Variants in FGF12 observed in about 807,000 individuals in gnomAD.
The protein encoded by FGF12 is fibroblast growth factor 12B.
Under a neutral mutation model 23.6 loss-of-function variants are expected in FGF12, and 14 were observed. The ratio of observed to expected loss-of-function variants is 0.59; its 90% confidence interval spans 0.39 to 0.93. FGF12 has a LOEUF of 0.93. Among genes scored for constraint, FGF12 ranks in the 40% least tolerant of loss-of-function variants. The pLI is 0.00. For synonymous variants in FGF12, 62 were observed against 77.3 expected (o/e 0.80, Z 1.04); for missense variants, 175 against 217.8 (o/e 0.80, Z 1.24).
intron 2 of FGF12, among the ~76,000 whole-genome samples, chr3:192,719,666 C>CT (rs1242153403): frequency 2.0e-5 from 3 of 151,022 alleles, no homozygotes; most frequent in Non-Finnish European, 2.9e-5. Context: ...TGTAAATAGT[C>CT]TAATTTTAAA....
intron 4 of FGF12, among the ~76,000 whole-genome samples, chr3:192,278,449 T>C (rs1204199586): frequency 6.6e-6 from 1 of 152,180 alleles, no homozygotes; most frequent in Non-Finnish European, 1.5e-5. Flanking sequence ...CGTCAAAATA[T>C]AGTCCCACCT....
At chr3:192,630,163 G>A (rs993130907) in intron 2 of FGF12, among the ~76,000 whole-genome samples, 4 of 152,070 alleles carry the variant, frequency 2.6e-5, no homozygotes, top group African/African-American at 9.7e-5. Flanking sequence ...TCCTGCTCTG[G>A]CCATGTGATG....
intron 2 of FGF12, among the ~76,000 whole-genome samples, chr3:192,470,209 G>A (rs1723130843): frequency 6.6e-6 from 1 of 152,082 alleles, no homozygotes; most frequent in Non-Finnish European, 1.5e-5. Context: ...TAAATTTATT[G>A]TCATTCAAGG....
At position 192,603,564 on chromosome 3, in the gene FGF12, G is replaced by T. The variant is rs563585836; in HGVS notation, c.13+123617C>A. Among the ~76,000 whole-genome samples, 6 of 152,204 alleles carry T rather than the reference G, an allele frequency of 3.9e-5. No homozygotes were observed. The East Asian group carries it at 1.2e-3, about 29-fold the overall frequency. On this transcript the variant is annotated intron_variant, in intron 2 of 5. Transcript: ENST00000445105. ...AATAAAGAGAAAGAGTACAAAGAGA[G>T]GAATTTTACAGCTGGGGGTGCTGGG...
rs78132501 is a variant in FGF12 at position 192,382,627 on chromosome 3, T to C, written c.14-22089A>G. ...AACATGTTTTTTCCTTCCTTTGCTA[T>C]AATATAGAGCAAGTAATCAAACAAA... On this transcript the variant is annotated intron_variant, in intron 2 of 5. Coordinates refer to ENST00000445105, the MANE Select transcript of FGF12 (RefSeq NM_004113.6). 3.8e-3 allele frequency among the ~76,000 whole-genome samples: 577 copies of C among 152,308 alleles called. 2 individuals carry two copies. Among genetic ancestry groups the C allele is most frequent in the African/African-American group, 0.014 (568 of 41,568 alleles).
At chr3:192,483,060 A>G (rs553431331) in intron 2 of FGF12, among the ~76,000 whole-genome samples, 45 of 152,058 alleles carry the variant, frequency 3.0e-4, no homozygotes, top group Non-Finnish European at 5.7e-4. Context: ...CCTACTACTC[A>G]TCTTTACAAG....
chr3:192,255,380 A>T (rs1807399), intron 4 of FGF12, among the ~76,000 whole-genome samples: 74,111 of 151,722 alleles, frequency 0.49, 19,633 homozygotes, highest in East Asian at 0.99. Context: ...TTACAATCTA[A>T]CTGGGGAGAG....
chr3:192,220,303 A>G (rs1415325388), intron 4 of FGF12, among the ~76,000 whole-genome samples: 2 of 152,136 alleles, frequency 1.3e-5, no homozygotes, highest in East Asian at 3.9e-4. Context: ...GCATTTCTAC[A>G]CTTCTCCTTC....
At chr3:192,559,184 G>A (rs1251969444) in intron 2 of FGF12, among the ~76,000 whole-genome samples, 6 of 151,816 alleles carry the variant, frequency 4.0e-5, no homozygotes, top group African/African-American at 1.5e-4. Context: ...AAAAAATATT[G>A]GCAAATCATA....
intron 2 of FGF12, among the ~76,000 whole-genome samples, chr3:192,639,323 A>G (rs1321727524): frequency 6.6e-6 from 1 of 152,252 alleles, no homozygotes; most frequent in African/African-American, 2.4e-5. Flanking sequence ...AAGGATGTGA[A>G]GAAAAGAGAA....
intron 2 of FGF12, among the ~76,000 whole-genome samples, chr3:192,521,009 G>A (rs1045840288): frequency 6.6e-6 from 1 of 152,114 alleles, no homozygotes; most frequent in African/African-American, 2.4e-5. Flanking sequence ...GTGCCTCCAG[G>A]GTAGCCTCCT....
At chr3:192,555,608 C>G (rs1560149013) in intron 2 of FGF12, among the ~76,000 whole-genome samples, 1 of 142,940 alleles carries the variant, frequency 7.0e-6, no homozygotes, top group African/African-American at 2.6e-5. Flanking sequence ...CATAGCGAGA[C>G]CCTGTCTTTA....
At chr3:192,567,307 T>C (rs1365794297) in intron 2 of FGF12, among the ~76,000 whole-genome samples, 1 of 152,112 alleles carries the variant, frequency 6.6e-6, no homozygotes, top group Non-Finnish European at 1.5e-5. Flanking sequence ...ACTGGGAATT[T>C]TTTAAGGGGT....
intron 2 of FGF12, among the ~76,000 whole-genome samples, chr3:192,682,386 C>T (rs1717565198): frequency 6.6e-6 from 1 of 152,056 alleles, no homozygotes; most frequent in Admixed American, 6.6e-5. Flanking sequence ...ATAAGAAAAC[C>T]TAAATCTAAC....
intron 4 of FGF12, among the ~76,000 whole-genome samples, chr3:192,249,162 T>C (rs1711836115): frequency 6.6e-6 from 1 of 152,176 alleles, no homozygotes; most frequent in South Asian, 2.1e-4. Flanking sequence ...GAAAGGTATG[T>C]GATATAACTC....
intron 4 of FGF12, among the ~76,000 whole-genome samples, chr3:192,289,542 G>T (rs995724349): frequency 4.6e-5 from 7 of 152,132 alleles, no homozygotes; most frequent in Non-Finnish European, 8.8e-5. Flanking sequence ...TATGTGTGAG[G>T]AAGAGACTGG....
Position 192,167,769 on chromosome 3 carries a change from A to ATATATATCTATATAT in FGF12, c.427+2688_427+2689insATATATAGATATATA, listed in dbSNP as rs1553845519. ...TATATATATATATATATATATATAT[A>ATATATATCTATATAT]AAATTTTTTTTTTTTTTTTTTTTTG... On this transcript the variant is annotated intron_variant, in intron 5 of 5. Transcript: ENST00000445105. Among the ~76,000 whole-genome samples, 52 of 38,862 alleles carry ATATATATCTATATAT rather than the reference A, an allele frequency of 1.3e-3. 2 individuals are homozygous for ATATATATCTATATAT. The highest frequency in any genetic ancestry group is 1.7e-3 in the Non-Finnish European group (42 of 25,006). The allele number at this position is 38,862 out of a possible 152,430, so 25.5% of individuals were successfully genotyped here.
chr3:192,655,331 A>G (rs1364002144), intron 2 of FGF12, among the ~76,000 whole-genome samples: 1 of 152,212 alleles, frequency 6.6e-6, no homozygotes, highest in Non-Finnish European at 1.5e-5. Context: ...AGCAGAAAGC[A>G]TTCCATTGAC....
intron 2 of FGF12, among the ~76,000 whole-genome samples, chr3:192,642,675 C>CCT (rs1278845385): frequency 6.6e-6 from 1 of 152,160 alleles, no homozygotes; most frequent in Admixed American, 6.5e-5. Flanking sequence ...GTAAGAATTG[C>CCT]CTCTCTCTCA....
Sources: allele counts gnomAD v4.1 joint callset (sites outside exome capture counted in the v4.1 genomes callset), GRCh38; gene constraint gnomAD v4.1.1; transcripts MANE v1.5; gene names NCBI Gene and HGNC (gene_info 2026-07-23, HGNC 2026-07-21).